The following PLIN3 variants were observed in gnomAD, a reference collection of about 807,000 sequenced individuals.
PLIN3 encodes perilipin-3.
PLIN3 carries 30 observed loss-of-function variants against 35.9 expected under a neutral mutation model. The ratio of observed to expected loss-of-function variants is 0.84; its 90% CI spans 0.62 to 1.13. The LOEUF is 1.13. Ranked by LOEUF, PLIN3 falls within the 50% of genes most tolerant of loss-of-function variation. The pLI is 0.00. For missense variants in PLIN3, 603 were observed against 596.9 expected (o/e 1.01, Z -0.11); for synonymous variants, 261 against 262.5 (o/e 0.99, Z 0.06).
intron 4 of PLIN3, among the ~76,000 whole-genome samples, chr19:4,853,892 G>A (rs2030387225): frequency 6.6e-6 from 1 of 150,746 alleles, no homozygotes; most frequent in Non-Finnish European, 1.5e-5. Flanking sequence ...CACATGGTGA[G>A]CGCTCATCTG....
chr19:4,857,461 G>A (rs1170227357), intron 4 of PLIN3, among the ~76,000 whole-genome samples: 1 of 151,884 alleles, frequency 6.6e-6, no homozygotes, highest in Non-Finnish European at 1.5e-5. Context: ...CCAGCTACTT[G>A]GGAAGCTGAG....
chr19:4,846,405 T>G (rs577723492), intron 6 of PLIN3, among the ~76,000 whole-genome samples: 2 of 150,576 alleles, frequency 1.3e-5, no homozygotes, highest in East Asian at 4.0e-4. Context: ...TCTCCTTCAA[T>G]AAGGAGATTA....
At chr19:4,847,364 A>T (rs2030135248) in intron 6 of PLIN3, among the ~76,000 whole-genome samples, 1 of 151,782 alleles carries the variant, frequency 6.6e-6, no homozygotes, top group South Asian at 2.1e-4. Context: ...TAATTGTTTT[A>T]AATTATTTTT....
chr19:4,853,434 T>C (rs147628759), intron 4 of PLIN3, among the ~76,000 whole-genome samples: 1 of 152,118 alleles, frequency 6.6e-6, no homozygotes, highest in Non-Finnish European at 1.5e-5. Flanking sequence ...CAGGTGATTC[T>C]CCTGCCTCAG....
intron 1 of PLIN3, among the ~76,000 whole-genome samples, chr19:4,863,225 C>T (rs185425518): frequency 9.2e-5 from 14 of 151,710 alleles, no homozygotes; most frequent in Non-Finnish European, 1.6e-4. Flanking sequence ...AGGCCGGGTG[C>T]GGTGGCTCAC....
At chr19:4,852,399 C>A in intron 4 of PLIN3, 98 bp from the exon 5 acceptor site, 1 of 1,425,768 alleles carries the variant, frequency 7.0e-7, no homozygotes, top group Non-Finnish European at 9.4e-7. Flanking sequence ...GCGGGGAGCG[C>A]CATCCCCCGG....
intron 5 of PLIN3, among the ~76,000 whole-genome samples, chr19:4,850,236 G>A (rs980222081): frequency 2.7e-5 from 4 of 150,800 alleles, no homozygotes; most frequent in Non-Finnish European, 2.9e-5. Flanking sequence ...GAGCCACTGC[G>A]CCCAGCTGCA....
chr19:4,852,353 C>T, intron 4 of PLIN3, 52 bp from the exon 5 acceptor site: 1 of 1,568,674 alleles, frequency 6.4e-7, no homozygotes, highest in Non-Finnish European at 8.6e-7. Flanking sequence ...TATCTGGGCA[C>T]CCCTCCCCTG....
chr19:4,850,656 G>A (rs769825601), intron 5 of PLIN3, among the ~76,000 whole-genome samples: 6 of 78,390 alleles, frequency 7.7e-5, no homozygotes, highest in Admixed American at 1.6e-4. Context: ...GGATGGTCTC[G>A]ATCTCCTGAA....
At chr19:4,852,792 C>T (rs1172855308) in intron 4 of PLIN3, among the ~76,000 whole-genome samples, 1 of 152,020 alleles carries the variant, frequency 6.6e-6, no homozygotes, top group Non-Finnish European at 1.5e-5. Context: ...AGGTGCCCGC[C>T]ACCATGCCTG....
chr19:4,866,467 G>C (rs1263352192), intron 1 of PLIN3, among the ~76,000 whole-genome samples: 1 of 152,160 alleles, frequency 6.6e-6, no homozygotes, highest in African/African-American at 2.4e-5. Context: ...AGGAGACGCT[G>C]CTCCGGGGAA....
At chr19:4,866,646 T>C (rs554866565) in intron 1 of PLIN3, 3 of 152,234 alleles carry the variant, frequency 2.0e-5, no homozygotes, top group Admixed American at 1.3e-4. Flanking sequence ...CCAGTGATCA[T>C]TGCCTAAATC....
chr19:4,839,605 G>C (rs1031973397), intron 7 of PLIN3, 69 bp from the exon 8 acceptor site: 1 of 1,208,558 alleles, frequency 8.3e-7, no homozygotes, highest in African/African-American at 1.5e-5. Flanking sequence ...GCTGAAGCCA[G>C]GGAAAGAGGG....
chr19:4,861,325 T>C lies in PLIN3; in HGVS notation c.66+4A>G. ...GGCAGTCCCTGGTCCCGGCCCTTCCTCACCTGCTGTACCGGTTCTTCCACT... is the reference window on the plus strand; with the variant it reads ...GGCAGTCCCTGGTCCCGGCCCTTCCCCACCTGCTGTACCGGTTCTTCCACT... On this transcript the variant is annotated splice_donor_region_variant and intron_variant, in intron 2 of 7. Transcript: ENST00000221957. 6.2e-7 allele frequency: 1 copy of C among 1,613,260 alleles called. No homozygotes were observed. Among genetic ancestry groups the C allele is most frequent in the Non-Finnish European group, 8.5e-7 (1 of 1,179,446 alleles).
intron 1 of PLIN3, among the ~76,000 whole-genome samples, chr19:4,863,452 G>A (rs528052102): frequency 3.3e-5 from 5 of 149,724 alleles, no homozygotes; most frequent in African/African-American, 7.4e-5. Flanking sequence ...AGCCGAGATC[G>A]CGCCGCTGCA....
At chr19:4,861,159 C>T (rs2030661693) in intron 2 of PLIN3, among the ~76,000 whole-genome samples, 170 bp downstream of exon 2, 1 of 152,142 alleles carries the variant, frequency 6.6e-6, no homozygotes, top group African/African-American at 2.4e-5. Flanking sequence ...TTCCCCCCTC[C>T]CAACTGGGGA....
At chr19:4,853,813 C>CA (rs914648873) in intron 4 of PLIN3, among the ~76,000 whole-genome samples, 22 of 146,500 alleles carry the variant, frequency 1.5e-4, no homozygotes, top group African/African-American at 4.0e-4. Context: ...ACTCTGTCTC[C>CA]AAAAAAAAAC....
chr19:4,847,981 G>GTTTA (rs1024360155), intron 5 of PLIN3, 91 bp from the exon 6 acceptor site: 124 of 904,136 alleles, frequency 1.4e-4, no homozygotes, highest in Non-Finnish European at 1.9e-4. Flanking sequence ...ACACTGTCCA[G>GTTTA]TTTATTTATT....
intron 1 of PLIN3, among the ~76,000 whole-genome samples, chr19:4,865,834 C>T (rs2030833081): frequency 1.3e-5 from 2 of 151,456 alleles, no homozygotes; most frequent in South Asian, 4.2e-4. Context: ...CGCCATTCTC[C>T]TGCCTCAGCC....
Sources: allele counts gnomAD v4.1 joint callset (sites outside exome capture counted in the v4.1 genomes callset), GRCh38; gene constraint gnomAD v4.1.1; transcripts MANE v1.5; gene names NCBI Gene and HGNC (gene_info 2026-07-23, HGNC 2026-07-21).